Variants in WDR70 observed in about 807,000 individuals in gnomAD.
The protein encoded by WDR70 is WD repeat-containing protein 70.
Under a neutral mutation model 88.6 loss-of-function variants are expected in WDR70, and 53 were observed. The observed-to-expected ratio is 0.60, with a 90% CI of 0.48 to 0.75. The LOEUF (loss-of-function observed/expected upper bound fraction) is 0.75. WDR70 is among the 30% of genes least tolerant of loss of function. The pLI, the probability that WDR70 is intolerant of heterozygous loss-of-function variation, is 0.00. For synonymous variants in WDR70, 280 were observed against 270.0 expected (o/e 1.04, Z -0.36); for missense variants, 610 against 823.2 (o/e 0.74, Z 3.17).
chr5:37,668,971 A>G (rs1052776865), intron 10 of WDR70, among the ~76,000 whole-genome samples: 1 of 152,000 alleles, frequency 6.6e-6, no homozygotes, highest in Non-Finnish European at 1.5e-5. Flanking sequence ...GTAAATGCAC[A>G]CTCTCTTTCT....
At chr5:37,692,562 T>G (rs546153851) in intron 10 of WDR70, among the ~76,000 whole-genome samples, 1 of 152,248 alleles carries the variant, frequency 6.6e-6, no homozygotes, top group East Asian at 1.9e-4. Context: ...TAGTTTAACA[T>G]ACGTAAATCA....
At chr5:37,608,252 C>T (rs1009987435) in intron 10 of WDR70, among the ~76,000 whole-genome samples, 1 of 151,790 alleles carries the variant, frequency 6.6e-6, no homozygotes, top group East Asian at 1.9e-4. Flanking sequence ...ATATTGGCCA[C>T]GTTGGTCTCA....
intron 9 of WDR70, among the ~76,000 whole-genome samples, chr5:37,551,315 CA>C (rs1205634383): frequency 7.0e-6 from 1 of 143,526 alleles, no homozygotes; most frequent in Non-Finnish European, 1.5e-5. Context: ...CCCCCCTCCG[CA>C]AAAAAAAAAT....
rs577593592 is a variant in WDR70 at position 37,690,420 on chromosome 5, G to T, written c.1093-7235G>T. 2.6e-5 allele frequency among the ~76,000 whole-genome samples: 4 copies of T among 152,240 alleles called. No individual in the cohort carries two copies. The East Asian group carries it at 7.7e-4, about 29-fold the overall frequency. ...GACACATAATTGTCAGATTCACCAA[G>T]CTTGAAATGAAGGAAAAAATGTTAA... On this transcript the variant is annotated intron_variant, in intron 10 of 17. Transcript: ENST00000265107.
At chr5:37,494,429 A>C (rs1234699124) in intron 8 of WDR70, among the ~76,000 whole-genome samples, 1 of 152,190 alleles carries the variant, frequency 6.6e-6, no homozygotes, top group East Asian at 1.9e-4. Flanking sequence ...TCAGGAGCCT[A>C]GGTATTTGGA....
intron 10 of WDR70, among the ~76,000 whole-genome samples, chr5:37,610,812 A>G (rs1277774672): frequency 6.6e-6 from 1 of 152,164 alleles, no homozygotes; most frequent in African/African-American, 2.4e-5. Flanking sequence ...CACAGTTTGG[A>G]TGAGCAACAG....
At chr5:37,526,960 A>G (rs1039972237) in intron 9 of WDR70, among the ~76,000 whole-genome samples, 1 of 152,178 alleles carries the variant, frequency 6.6e-6, no homozygotes. Flanking sequence ...ACTACAAACC[A>G]CTGCTCAATG....
At chr5:37,513,362 G>A (rs79719252) in intron 8 of WDR70, among the ~76,000 whole-genome samples, 1,937 of 152,228 alleles carry the variant, frequency 0.013, 43 homozygotes, top group African/African-American at 0.042. Flanking sequence ...GCTTTCCAGC[G>A]TAGGGAAAGC....
At chr5:37,610,463 T>A (rs879403995) in intron 10 of WDR70, among the ~76,000 whole-genome samples, 3 of 152,086 alleles carry the variant, frequency 2.0e-5, no homozygotes, top group African/African-American at 4.8e-5. Flanking sequence ...TTTGGTTTAT[T>A]ATTATTTTAT....
intron 17 of WDR70, among the ~76,000 whole-genome samples, chr5:37,729,740 C>CT (rs1196046261): frequency 5.3e-5 from 8 of 152,068 alleles, no homozygotes; most frequent in Non-Finnish European, 1.2e-4. Flanking sequence ...GTTTATTTCC[C>CT]TTTTTTGGGT....
intron 8 of WDR70, among the ~76,000 whole-genome samples, chr5:37,515,192 A>G (rs1206234092): frequency 2.0e-5 from 3 of 152,184 alleles, no homozygotes; most frequent in Admixed American, 1.3e-4. Context: ...TTTTGGATAG[A>G]ATTGTCAAGA....
At chr5:37,467,468 TA>T (rs1739190830) in intron 7 of WDR70, among the ~76,000 whole-genome samples, 1 of 151,530 alleles carries the variant, frequency 6.6e-6, no homozygotes, top group African/African-American at 2.4e-5. Flanking sequence ...CATCTAAACC[TA>T]ATTCTCTCCT....
intron 8 of WDR70, among the ~76,000 whole-genome samples, chr5:37,487,952 A>G (rs1285639158): frequency 1.3e-5 from 2 of 152,008 alleles, no homozygotes; most frequent in East Asian, 1.9e-4. Flanking sequence ...GCCTCCAGGT[A>G]TAGGACTCCT....
intron 5 of WDR70, among the ~76,000 whole-genome samples, chr5:37,403,412 C>T (rs550824615): frequency 6.6e-6 from 1 of 152,310 alleles, no homozygotes; most frequent in Admixed American, 6.5e-5. Context: ...CTGTTTTAAT[C>T]CCCTTTCCCC....
At chr5:37,467,023 C>T (rs146326015) in intron 7 of WDR70, among the ~76,000 whole-genome samples, 1,823 of 152,128 alleles carry the variant, frequency 0.012, 38 homozygotes, top group African/African-American at 0.042. Context: ...ATCACTTGAG[C>T]TCAGGAGTTT....
intron 9 of WDR70, among the ~76,000 whole-genome samples, chr5:37,592,920 C>G (rs953288898): frequency 6.6e-6 from 1 of 152,122 alleles, no homozygotes; most frequent in Non-Finnish European, 1.5e-5. Context: ...TTTGGCAGAC[C>G]AAGGCAGGAG....
chr5:37,736,245 T>A (rs2112722456), intron 17 of WDR70, among the ~76,000 whole-genome samples: 1 of 152,324 alleles, frequency 6.6e-6, no homozygotes, highest in East Asian at 1.9e-4. Flanking sequence ...ACCACGTCAC[T>A]TTTCTTGCCA....
chr5:37,672,869 G>C (rs1746070893), intron 10 of WDR70, among the ~76,000 whole-genome samples: 1 of 152,138 alleles, frequency 6.6e-6, no homozygotes, highest in East Asian at 1.9e-4. Flanking sequence ...CCACAGGTGT[G>C]GAGGGGCAGG....
chr5:37,485,609 G>T (rs867499387), intron 8 of WDR70, among the ~76,000 whole-genome samples: 1 of 152,238 alleles, frequency 6.6e-6, no homozygotes, highest in East Asian at 1.9e-4. Context: ...TCATTCAGGC[G>T]TGAGTGCTGT....
Sources: allele counts gnomAD v4.1 joint callset (sites outside exome capture counted in the v4.1 genomes callset), GRCh38; gene constraint gnomAD v4.1.1; transcripts MANE v1.5; gene names NCBI Gene and HGNC (gene_info 2026-07-23, HGNC 2026-07-21).